Variants in TANGO6 observed in about 807,000 individuals in gnomAD.
TANGO6 encodes the protein transport and golgi organization 6 homolog, also known as transport and Golgi organization protein 6 homolog.
Under a neutral mutation model 114.2 loss-of-function variants are expected in TANGO6, and 90 were observed. That is an observed-to-expected ratio of 0.79 (90% confidence interval 0.66 to 0.94). TANGO6 has a LOEUF of 0.94. Among genes scored for constraint, TANGO6 ranks in the 40% least tolerant of loss-of-function variants. TANGO6 has a pLI of 0.00. For missense variants in TANGO6, 1,274 were observed against 1,315.3 expected (o/e 0.97, Z 0.49); for synonymous variants, 477 against 509.8 (o/e 0.94, Z 0.87).
Position 68,860,494 on chromosome 16 carries a change from C to G in TANGO6, c.705C>G (p.Thr235=). The G allele has an allele frequency of 6.2e-7, 1 of 1,613,660 alleles. No individual in the cohort carries two copies. Among genetic ancestry groups the G allele is most frequent in the Non-Finnish European group, 8.5e-7 (1 of 1,179,810 alleles). Residue 235 remains threonine, a synonymous_variant, in exon 2 of 18, where the codon ACC becomes ACG. Transcript: ENST00000261778. ...AGLCQLGFCP[T]KRKLLTPAEE... ...TGTGCCAACTGGGATTCTGCCCAAC[C>G]AAAAGAAAACTGCTAACACCTGCAG...
chr16:68,944,094 A>G (rs1051089322), intron 14 of TANGO6, among the ~76,000 whole-genome samples: 1 of 152,136 alleles, frequency 6.6e-6, no homozygotes, highest in African/African-American at 2.4e-5. Context: ...TTTGGAATGT[A>G]TGATTTTATT....
At chr16:68,859,788 C>T in intron 1 of TANGO6, 96 bp from the exon 2 acceptor site, 2 of 1,368,584 alleles carry the variant, frequency 1.5e-6, no homozygotes, top group Non-Finnish European at 1.9e-6. Context: ...GGCGCCCGGC[C>T]TGCGAGGATG....
chr16:68,975,354 C>T (rs1963753275), intron 15 of TANGO6, among the ~76,000 whole-genome samples: 1 of 151,732 alleles, frequency 6.6e-6, no homozygotes, highest in African/African-American at 2.4e-5. Context: ...TCTAGACTTA[C>T]ACTGCCTCAC....
chr16:68,896,105 G>A (rs1410887021), intron 7 of TANGO6, among the ~76,000 whole-genome samples: 21 of 152,022 alleles, frequency 1.4e-4, no homozygotes, highest in Non-Finnish European at 1.5e-5. Flanking sequence ...CTGGGTTCAA[G>A]CAATGATTCT....
At chr16:69,046,667 A>T (rs1285384261) in intron 17 of TANGO6, among the ~76,000 whole-genome samples, 1 of 152,148 alleles carries the variant, frequency 6.6e-6, no homozygotes. Context: ...AATGAAGTAG[A>T]GGAGAAATAT....
chr16:69,020,904 A>ATGTGTGTGTGTGTGTGTGTG (rs34350425), intron 15 of TANGO6, among the ~76,000 whole-genome samples: 22 of 87,364 alleles, frequency 2.5e-4, no homozygotes, highest in South Asian at 6.4e-4. Flanking sequence ...ATATGTATGT[A>ATGTGTGTGTGTGTGTGTGTG]TGTGTGTGTG....
At chr16:68,875,314 T>C (rs1374906213) in intron 5 of TANGO6, 24 bp downstream of exon 5, 1 of 1,608,174 alleles carries the variant, frequency 6.2e-7, no homozygotes, top group Non-Finnish European at 8.5e-7. Context: ...TTTCTATTGA[T>C]CATTTGAGGA....
chr16:69,074,880 C>T (rs1488360744), intron 17 of TANGO6, among the ~76,000 whole-genome samples: 1 of 151,220 alleles, frequency 6.6e-6, no homozygotes, highest in Non-Finnish European at 1.5e-5. Context: ...CAGAATCTCG[C>T]CCTATTGCCC....
chr16:69,028,253 T>C (rs969567584), intron 16 of TANGO6, among the ~76,000 whole-genome samples: 3 of 152,086 alleles, frequency 2.0e-5, no homozygotes. Context: ...GAGCCACCGC[T>C]CCCGGCCCTC....
rs1036207620 is a variant in TANGO6, at chr16:69,084,316, G to T, written c.*655G>T. 6.6e-6 allele frequency: 1 copy of T among 152,342 alleles called. No homozygotes were observed. Among genetic ancestry groups the T allele is most frequent in the African/African-American group, 2.4e-5 (1 of 41,450 alleles). The allele number at this position is 152,342 out of a possible 1,614,324, so 9.4% of individuals were successfully genotyped here. On this transcript the variant is annotated 3_prime_UTR_variant, in exon 18 of 18. Transcript: ENST00000261778. ...ACAATCAAGCTGGTTGACTCTTCCA[G>T]AGAAGAAGGGTAAGCCCTGTATTTA...
chr16:68,964,158 T>A (rs1963621311), intron 14 of TANGO6, among the ~76,000 whole-genome samples: 1 of 151,974 alleles, frequency 6.6e-6, no homozygotes, highest in African/African-American at 2.4e-5. Context: ...TTCAAAATAT[T>A]CCCAACACAG....
rs543652956 is a variant in TANGO6 at position 68,887,274 on chromosome 16, T to TGCC, written c.1377+6645_1377+6647dup. ...TGACATCCCCTGTCATGTGCACCATTGCCACCACCCACCCAGTGGCCACCC... is the reference window on the plus strand; with the variant it reads ...TGACATCCCCTGTCATGTGCACCATTGCCGCCACCACCCACCCAGTGGCCACCC... On this transcript the variant is annotated intron_variant, in intron 7 of 17. Coordinates refer to ENST00000261778, the MANE Select transcript of TANGO6 (RefSeq NM_024562.2). 3.3e-5 allele frequency among the ~76,000 whole-genome samples: 5 copies of TGCC among 152,330 alleles called. No individual in the cohort carries two copies. In the South Asian group the frequency reaches 1.0e-3, roughly 32 times the overall value.
chr16:68,890,598 T>C (rs12102766), intron 7 of TANGO6, among the ~76,000 whole-genome samples: 41,736 of 152,236 alleles, frequency 0.27, 7,281 homozygotes, highest in African/African-American at 0.51. Context: ...AAATGGGGCA[T>C]GTGGCCGGGT....
intron 15 of TANGO6, among the ~76,000 whole-genome samples, chr16:68,984,952 C>T (rs1963876528): frequency 6.6e-6 from 1 of 151,670 alleles, no homozygotes; most frequent in South Asian, 2.1e-4. Context: ...TGTAATTACA[C>T]TGTATGTATA....
At chr16:69,020,660 G>T (rs962573905) in intron 15 of TANGO6, among the ~76,000 whole-genome samples, 1 of 152,084 alleles carries the variant, frequency 6.6e-6, no homozygotes, top group African/African-American at 2.4e-5. Flanking sequence ...AACACTTTGG[G>T]AGGTAGAGGC....
intron 17 of TANGO6, among the ~76,000 whole-genome samples, chr16:69,052,218 T>C (rs1431779092): frequency 6.6e-6 from 1 of 151,686 alleles, no homozygotes; most frequent in East Asian, 1.9e-4. Context: ...CCCAAAATGA[T>C]GTTGGGATTG....
intron 14 of TANGO6, among the ~76,000 whole-genome samples, chr16:68,945,693 T>A (rs1963407415): frequency 6.7e-6 from 1 of 148,832 alleles, no homozygotes; most frequent in African/African-American, 2.4e-5. Context: ...TTCTTTGCCT[T>A]TTTTTTTTTT....
At chr16:69,032,228 A>G (rs1289862632) in intron 16 of TANGO6, among the ~76,000 whole-genome samples, 2 of 151,684 alleles carry the variant, frequency 1.3e-5, no homozygotes, top group African/African-American at 4.9e-5. Flanking sequence ...GAAGAATGAA[A>G]TGATCTAACT....
At chr16:69,033,591 GAGA>G (rs1185047555) in intron 16 of TANGO6, 2 of 152,352 alleles carry the variant, frequency 1.3e-5, no homozygotes, top group African/African-American at 4.8e-5. Context: ...GGCAGAGGAA[GAGA>G]AGAAGCATAA....
Sources: allele counts gnomAD v4.1 joint callset (sites outside exome capture counted in the v4.1 genomes callset), GRCh38; gene constraint gnomAD v4.1.1; transcripts MANE v1.5; gene names NCBI Gene and HGNC (gene_info 2026-07-23, HGNC 2026-07-21).